TINAG: variants seen among roughly 807,000 people sequenced by gnomAD.
TINAG encodes the protein tubulointerstitial nephritis antigen.
A neutral mutation model predicts 72.7 loss-of-function variants in TINAG; 83 were observed. The observed-to-expected ratio is 1.14, with a 90% CI of 0.96 to 1.37. TINAG has a LOEUF of 1.37. Among genes scored for constraint, TINAG ranks in the 40% most tolerant of loss-of-function variants. The probability of loss-of-function intolerance (pLI) is 0.00; values close to 1 mark genes in which losing one functional copy is unlikely to be tolerated. For synonymous variants in TINAG, 234 were observed against 189.9 expected, an observed-to-expected ratio of 1.23 and a Z score of -1.91; for missense variants, 685 against 576.6, an observed-to-expected ratio of 1.19 and a Z score of -1.93.
chr6:54,333,995 T>C (rs571753640), intron 4 of TINAG, among the ~76,000 whole-genome samples: 16 of 152,344 alleles, frequency 1.1e-4, no homozygotes, highest in South Asian at 1.0e-3. Flanking sequence ...AGCATTCTTA[T>C]GCTTTGAACT....
chr6:54,344,514 G>C (rs562900021), intron 5 of TINAG, among the ~76,000 whole-genome samples: 1 of 152,286 alleles, frequency 6.6e-6, no homozygotes, highest in African/African-American at 2.4e-5. Context: ...GATGGGTGGA[G>C]AGAGGTTTAA....
chr6:54,364,329 C>T (rs759676766), intron 9 of TINAG, among the ~76,000 whole-genome samples: 26 of 150,358 alleles, frequency 1.7e-4, no homozygotes, highest in African/African-American at 4.6e-4. Context: ...AAGTCAGAAA[C>T]GAAAAAAGGG....
rs185666828 is a variant in TINAG, at chr6:54,370,883, G to T, written c.1251-9643G>T. ...CATTTGTTTTGTCTTGTTTGACACT[G>T]GTCCTTCATTGATTCATCATCTCAA... On this transcript the variant is annotated intron_variant, in intron 9 of 10. Transcript: ENST00000259782. Among the ~76,000 whole-genome samples the T allele has an allele frequency of 2.6e-3, 402 of 152,074 alleles. 1 individual carries two copies. The highest frequency in any genetic ancestry group is 9.0e-3 in the African/African-American group (375 of 41,528).
chr6:54,327,871 C>T (rs1455231255), intron 4 of TINAG, among the ~76,000 whole-genome samples: 1 of 152,130 alleles, frequency 6.6e-6, no homozygotes, highest in Non-Finnish European at 1.5e-5. Flanking sequence ...CTGGGTGGAG[C>T]TCACCACAGC....
chr6:54,332,760 A>G (rs1174571798), intron 4 of TINAG, among the ~76,000 whole-genome samples: 1 of 152,250 alleles, frequency 6.6e-6, no homozygotes, highest in Non-Finnish European at 1.5e-5. Flanking sequence ...AGGAACTTAA[A>G]CAAATTAACA....
At chr6:54,317,878 G>C (rs551604472) in intron 1 of TINAG, among the ~76,000 whole-genome samples, 15 of 152,032 alleles carry the variant, frequency 9.9e-5, no homozygotes, top group Non-Finnish European at 1.9e-4. Flanking sequence ...TCTCTTGGCA[G>C]GGTTATTGGC....
At chr6:54,321,424 C>T (rs1248929839) in intron 3 of TINAG, 38 bp downstream of exon 3, 1 of 1,390,906 alleles carries the variant, frequency 7.2e-7, no homozygotes, top group South Asian at 1.2e-5. Context: ...CTTGACACTG[C>T]CATTTACTAT....
At chr6:54,372,980 G>T (rs979383867) in intron 9 of TINAG, among the ~76,000 whole-genome samples, 8 of 151,920 alleles carry the variant, frequency 5.3e-5, no homozygotes, top group Non-Finnish European at 7.4e-5. Context: ...AACAAATTTT[G>T]CACATGATTA....
intron 8 of TINAG, among the ~76,000 whole-genome samples, chr6:54,352,362 C>G (rs1785286078): frequency 6.6e-6 from 1 of 151,758 alleles, no homozygotes; most frequent in Non-Finnish European, 1.5e-5. Context: ...ATCATTATCA[C>G]CACTTAGCAT....
intron 1 of TINAG, among the ~76,000 whole-genome samples, chr6:54,313,165 A>T (rs542111688): frequency 3.9e-5 from 6 of 152,214 alleles, no homozygotes; most frequent in African/African-American, 1.4e-4. Context: ...CATCTTAAAC[A>T]TGTATTTTTT....
At chr6:54,309,425 C>G (rs1243532196) in intron 1 of TINAG, among the ~76,000 whole-genome samples, 2 of 152,104 alleles carry the variant, frequency 1.3e-5, no homozygotes, top group Non-Finnish European at 2.9e-5. Context: ...CCCGCTCTGC[C>G]TAAGTAATAC....
At chr6:54,349,099 G>A (rs1785199155) in intron 6 of TINAG, among the ~76,000 whole-genome samples, 1 of 151,552 alleles carries the variant, frequency 6.6e-6, no homozygotes, top group African/African-American at 2.4e-5. Context: ...TTCTCTTTTA[G>A]ATAATACACA....
rs779050409 is a variant in TINAG at position 54,354,532 on chromosome 6, A to G, written c.1146A>G (p.Glu382=). Residue 382 remains glutamate (E), a synonymous_variant, in exon 9 of 11, where the codon GAA becomes GAG. Coordinates refer to ENST00000259782, the MANE Select transcript of TINAG (RefSeq NM_014464.4). ...GPVQAIMQVR[E]DFFHYKTGIY... ...TTTTAGCCATAATGCAAGTCCGTGA[A>G]GATTTCTTCCATTATAAGACAGGGA... The G allele has an allele frequency of 5.0e-6, 8 of 1,605,640 alleles. No homozygotes were observed. In the East Asian group the frequency reaches 1.6e-4, roughly 32 times the overall value.
At chr6:54,312,026 A>G (rs1445815687) in intron 1 of TINAG, among the ~76,000 whole-genome samples, 1 of 151,544 alleles carries the variant, frequency 6.6e-6, no homozygotes, top group Non-Finnish European at 1.5e-5. Flanking sequence ...TTATTCCTGG[A>G]TATTTATTTT....
rs1454129041 is a variant in TINAG at position 54,354,736 on chromosome 6, G to A, written c.1250+100G>A. ...ATGCTAGAATCCCCTTTGTAGGAGA[G>A]ATTGTGATACAAATGAAAAATGATC... On this transcript the variant is annotated intron_variant, in intron 9 of 10. Transcript: ENST00000259782. 3 of 1,265,312 alleles carry A rather than the reference G, an allele frequency of 2.4e-6. No homozygotes were observed. The East Asian group carries it at 8.3e-5, about 35-fold the overall frequency. The allele number at this position is 1,265,312 out of a possible 1,614,324, so 78.4% of individuals were successfully genotyped here. A position where few individuals can be genotyped will look rare whatever the true frequency, so the allele number is the denominator to read the frequency against.
chr6:54,337,914 C>A (rs1281916521), intron 4 of TINAG, among the ~76,000 whole-genome samples: 1 of 152,104 alleles, frequency 6.6e-6, no homozygotes, highest in African/African-American at 2.4e-5. Flanking sequence ...ATTTTTTCAT[C>A]CATGTAGGGA....
chr6:54,337,328 C>T (rs567946443), intron 4 of TINAG, among the ~76,000 whole-genome samples: 2 of 145,276 alleles, frequency 1.4e-5, no homozygotes, highest in South Asian at 4.3e-4. Flanking sequence ...TCTCTGCTTC[C>T]TGCAACCTCT....
At position 54,308,562 on chromosome 6, in the gene TINAG, A is replaced by T; in HGVS notation, c.12A>T (p.Gly4=). 2 of 1,611,520 alleles carry T rather than the reference A, an allele frequency of 1.2e-6. No individual in the cohort carries two copies. The highest frequency in any genetic ancestry group is 1.7e-6 in the Non-Finnish European group (2 of 1,178,926). Residue 4 remains glycine (G), a synonymous_variant, in exon 1 of 11, where the codon GGA becomes GGT. Coordinates refer to ENST00000259782, the MANE Select transcript of TINAG (RefSeq NM_014464.4). ...CTGACTTCCAGAGAATGTGGACCGG[A>T]TATAAGATCTTAATCTTCTCTTATC... MWT[G]YKILIFSYLT...
At chr6:54,356,012 C>T (rs1009157018) in intron 9 of TINAG, among the ~76,000 whole-genome samples, 2 of 151,820 alleles carry the variant, frequency 1.3e-5, no homozygotes, top group Non-Finnish European at 2.9e-5. Flanking sequence ...CTTTCTAACA[C>T]TGGGTTTGAA....
Sources: gnomAD v4.1 joint callset for allele counts (sites outside exome capture counted in the v4.1 genomes callset) on GRCh38, gnomAD v4.1.1 for gene constraint, MANE v1.5 for transcripts, NCBI Gene and HGNC (gene_info 2026-07-23, HGNC 2026-07-21) for gene names.